The following FMN2 variants were observed in gnomAD, a reference collection of about 807,000 sequenced individuals.
FMN2 encodes formin-2.
A neutral mutation model predicts 142.3 loss-of-function variants in FMN2; 51 were observed. The ratio of observed to expected loss-of-function variants is 0.36; its 90% CI spans 0.29 to 0.45. FMN2 has a LOEUF of 0.45. Ranked by LOEUF, FMN2 falls within the 20% of genes least tolerant of loss-of-function variation. The pLI is 1.00. For synonymous variants in FMN2, 882 were observed against 869.8 expected, an observed-to-expected ratio of 1.01 and a Z score of -0.25; for missense variants, 1,936 against 2,122.8, an observed-to-expected ratio of 0.91 and a Z score of 1.73.
rs1215120585 is a variant in FMN2, at chr1:240,424,580, A to G, written c.4911-13481A>G. Among the ~76,000 whole-genome samples, 3 of 152,210 alleles carry G rather than the reference A, an allele frequency of 2.0e-5. 1 individual carries two copies. The highest frequency in any genetic ancestry group is 4.4e-5 in the Non-Finnish European group (3 of 68,036). ...CTTATCACACTCCAAATACACCAGG[A>G]TGGCTAAAGAAGGCTCTTTTATTTC... is the stretch of plus-strand genomic sequence containing the variant. On this transcript the variant is annotated intron_variant, in intron 15 of 17. Coordinates refer to ENST00000319653, the MANE Select transcript of FMN2 (RefSeq NM_020066.5).
intron 16 of FMN2, among the ~76,000 whole-genome samples, chr1:240,442,478 A>G (rs1474035408): frequency 6.6e-6 from 1 of 152,230 alleles, no homozygotes; most frequent in African/African-American, 2.4e-5. Context: ...CCAAAAAAGT[A>G]AACAATAATC....
intron 4 of FMN2, among the ~76,000 whole-genome samples, chr1:240,190,171 G>A (rs1418706979): frequency 1.3e-5 from 2 of 152,132 alleles, no homozygotes; most frequent in Non-Finnish European, 2.9e-5. Context: ...TAATGGAGTA[G>A]GTTATTTAAA....
At chr1:240,251,509 T>C (rs1668278303) in intron 6 of FMN2, among the ~76,000 whole-genome samples, 1 of 152,202 alleles carries the variant, frequency 6.6e-6, no homozygotes, top group Non-Finnish European at 1.5e-5. Context: ...CTCTGAAGAA[T>C]GTTCCATGTG....
rs1676884354 is a variant in FMN2, at chr1:240,473,723, A to G, written c.5143-405A>G. 6.6e-6 allele frequency among the ~76,000 whole-genome samples: 1 copy of G among 152,154 alleles called. No homozygotes were observed. Among genetic ancestry groups the G allele is most frequent in the African/African-American group, 2.4e-5 (1 of 41,448 alleles). On this transcript the variant is annotated intron_variant, in intron 17 of 17. Coordinates refer to ENST00000319653, the MANE Select transcript of FMN2 (RefSeq NM_020066.5). The surrounding 1 kb of genome is among the most constrained non-coding windows in gnomAD (Gnocchi z 4.3). ...TTATAACTGTATTGAATGTGGAGGAATAGTTACTTATTAGTGAACCTCAAT... is the reference window on the plus strand; with the variant it reads ...TTATAACTGTATTGAATGTGGAGGAGTAGTTACTTATTAGTGAACCTCAAT...
At chr1:240,368,859 A>C (rs1432656249) in intron 14 of FMN2, among the ~76,000 whole-genome samples, 2 of 151,844 alleles carry the variant, frequency 1.3e-5, no homozygotes, top group African/African-American at 4.8e-5. Context: ...ACTACTTTTC[A>C]AGTGATATTC....
chr1:240,394,734 A>C (rs1261318261), intron 15 of FMN2, among the ~76,000 whole-genome samples: 1 of 152,108 alleles, frequency 6.6e-6, no homozygotes, highest in Non-Finnish European at 1.5e-5. Flanking sequence ...TTCGGAGCCC[A>C]AGACGGGTGA....
chr1:240,252,953 C>CTTTTTTTTTTTTTGTTTTTTT (rs1668327682), intron 6 of FMN2, among the ~76,000 whole-genome samples: 1 of 65,346 alleles, frequency 1.5e-5, no homozygotes, highest in African/African-American at 6.8e-5. Flanking sequence ...GTCTTGTTCA[C>CTTTTTTTTTTTTTGTTTTTTT]TTTTTTTTTT....
At chr1:240,329,242 C>G in intron 9 of FMN2, 75 bp downstream of exon 9, 2 of 1,594,960 alleles carry the variant, frequency 1.3e-6, no homozygotes, top group Non-Finnish European at 1.7e-6. Flanking sequence ...AATGCAAATG[C>G]GGTGTCTTCA....
intron 13 of FMN2, among the ~76,000 whole-genome samples, chr1:240,349,312 T>C (rs1011349453): frequency 6.6e-6 from 1 of 152,238 alleles, no homozygotes; most frequent in Non-Finnish European, 1.5e-5. Context: ...GAAAGCTTTC[T>C]GATCTGATTA....
chr1:240,371,798 G>C (rs1672875656), intron 14 of FMN2, among the ~76,000 whole-genome samples: 1 of 152,166 alleles, frequency 6.6e-6, no homozygotes, highest in South Asian at 2.1e-4. Flanking sequence ...GTTGTACGTT[G>C]TCTATGGTTT....
At chr1:240,142,773 A>G in intron 2 of FMN2, 1 of 1,595,430 alleles carries the variant, frequency 6.3e-7, no homozygotes, top group Non-Finnish European at 8.6e-7. Flanking sequence ...CCCGTGGGCC[A>G]ACGACACTGG....
At chr1:240,259,607 G>A (rs1449323923) in intron 7 of FMN2, among the ~76,000 whole-genome samples, 1 of 150,644 alleles carries the variant, frequency 6.6e-6, no homozygotes, top group African/African-American at 2.4e-5. Context: ...GGATTTACAT[G>A]TGTGAATCGC....
At chr1:240,330,852 A>G in intron 11 of FMN2, 103 bp downstream of exon 11, 6 of 1,367,170 alleles carry the variant, frequency 4.4e-6, no homozygotes, top group Non-Finnish European at 5.9e-6. Flanking sequence ...TTATGTTCCT[A>G]GGTCAAATGC....
At chr1:240,367,746 T>C (rs548451474) in intron 14 of FMN2, among the ~76,000 whole-genome samples, 136 of 121,914 alleles carry the variant, frequency 1.1e-3, no homozygotes, top group South Asian at 5.5e-3. Flanking sequence ...CTAGCCTGGG[T>C]GACAGAGCGA....
At chr1:240,344,769 C>A (rs772600714) in intron 13 of FMN2, among the ~76,000 whole-genome samples, 1 of 152,176 alleles carries the variant, frequency 6.6e-6, no homozygotes, top group Non-Finnish European at 1.5e-5. Context: ...GTGAAAACTG[C>A]AGCTAATTAA....
At chr1:240,160,489 A>C (rs1664232999) in intron 2 of FMN2, among the ~76,000 whole-genome samples, 2 of 149,210 alleles carry the variant, frequency 1.3e-5, no homozygotes, top group South Asian at 4.2e-4. Context: ...AATGTATATA[A>C]TATATGTATA....
intron 14 of FMN2, among the ~76,000 whole-genome samples, chr1:240,357,798 G>A (rs150395340): frequency 0.011 from 1,671 of 152,048 alleles, 21 homozygotes; most frequent in Middle Eastern, 0.017. Flanking sequence ...TAGTAGAGAC[G>A]GGTTTTCACT....
At chr1:240,417,185 C>T (rs992384808) in intron 15 of FMN2, among the ~76,000 whole-genome samples, 2 of 148,574 alleles carry the variant, frequency 1.3e-5, no homozygotes, top group Non-Finnish European at 3.0e-5. Flanking sequence ...ATTTGTATGT[C>T]CTTGAGAAGA....
intron 8 of FMN2, among the ~76,000 whole-genome samples, chr1:240,313,859 A>G (rs1015464940): frequency 1.3e-5 from 2 of 152,102 alleles, no homozygotes; most frequent in African/African-American, 4.8e-5. Context: ...CTGTAGTCCC[A>G]GCTACTCAGG....
Sources: allele counts gnomAD v4.1 joint callset (sites outside exome capture counted in the v4.1 genomes callset), GRCh38; gene constraint gnomAD v4.1.1; non-coding constraint Gnocchi (gnomAD v3.1); transcripts MANE v1.5; gene names NCBI Gene and HGNC (gene_info 2026-07-23, HGNC 2026-07-21).